The following RSU1 variants were observed in gnomAD, a reference collection of about 807,000 sequenced individuals.
RSU1 encodes rsu-1.
In RSU1, 26 loss-of-function variants were observed where a neutral mutation model predicts 31.1. That is an observed-to-expected ratio of 0.84 (90% CI 0.61 to 1.16). The LOEUF is 1.16. Ranked by LOEUF, RSU1 falls within the 50% of genes most tolerant of loss-of-function variation. The pLI is 0.00. For synonymous variants in RSU1, 164 were observed against 136.3 expected (o/e 1.20, Z -1.41); for missense variants, 320 against 339.1 (o/e 0.94, Z 0.44).
chr10:16,657,172 T>G (rs1341501840), intron 8 of RSU1, among the ~76,000 whole-genome samples: 1 of 152,196 alleles, frequency 6.6e-6, no homozygotes, highest in Non-Finnish European at 1.5e-5. Context: ...GTTATATGAC[T>G]TGCAGGCAGA....
At chr10:16,689,651 C>T (rs1252480531) in intron 8 of RSU1, among the ~76,000 whole-genome samples, 2 of 152,204 alleles carry the variant, frequency 1.3e-5, no homozygotes, top group African/African-American at 2.4e-5. Context: ...GAGGAATTCT[C>T]AGCTTTTATC....
intron 8 of RSU1, among the ~76,000 whole-genome samples, chr10:16,660,208 G>C (rs1341721950): frequency 1.3e-5 from 2 of 152,204 alleles, no homozygotes; most frequent in African/African-American, 4.8e-5. Context: ...AAAGGCTTGG[G>C]CTTCCGAAGC....
At chr10:16,704,759 AGTTT>A (rs1263307850) in intron 7 of RSU1, among the ~76,000 whole-genome samples, 1 of 152,140 alleles carries the variant, frequency 6.6e-6, no homozygotes, top group Non-Finnish European at 1.5e-5. Context: ...CTTTTTGATT[AGTTT>A]TTTTGGTTCT....
At chr10:16,688,373 G>A (rs1475534506) in intron 8 of RSU1, among the ~76,000 whole-genome samples, 2 of 152,144 alleles carry the variant, frequency 1.3e-5, no homozygotes, top group Admixed American at 6.6e-5. Context: ...TTGGGAGGCC[G>A]AGGCGGACGG....
intron 2 of RSU1, among the ~76,000 whole-genome samples, chr10:16,814,632 G>T (rs186618923): frequency 9.9e-4 from 150 of 152,258 alleles, no homozygotes; most frequent in African/African-American, 3.5e-3. Context: ...AAGTCCTGAG[G>T]TCAGGGAGTT....
intron 7 of RSU1, among the ~76,000 whole-genome samples, chr10:16,722,279 C>G (rs1333187794): frequency 6.6e-6 from 1 of 152,122 alleles, no homozygotes; most frequent in African/African-American, 2.4e-5. Flanking sequence ...CAGGCATCCA[C>G]TGGGGGTCTT....
chr10:16,668,582 T>C (rs2131534430), intron 8 of RSU1, among the ~76,000 whole-genome samples: 1 of 152,318 alleles, frequency 6.6e-6, no homozygotes, highest in South Asian at 2.1e-4. Flanking sequence ...ACATTTGAAA[T>C]AGGATTTAAT....
chr10:16,749,999 C>A (rs1291691650), intron 7 of RSU1, among the ~76,000 whole-genome samples: 1 of 152,190 alleles, frequency 6.6e-6, no homozygotes, highest in Non-Finnish European at 1.5e-5. Context: ...TGTGTCCCCA[C>A]AGACTTGTCA....
intron 4 of RSU1, among the ~76,000 whole-genome samples, chr10:16,758,133 G>A (rs1400589221): frequency 6.6e-6 from 1 of 151,912 alleles, no homozygotes; most frequent in Admixed American, 6.6e-5. Flanking sequence ...ACAGCAGTAA[G>A]TAACAGTGGT....
intron 8 of RSU1, among the ~76,000 whole-genome samples, chr10:16,690,088 C>T (rs955664780): frequency 7.9e-5 from 12 of 152,186 alleles, no homozygotes; most frequent in African/African-American, 2.9e-4. Flanking sequence ...GAGTTACCCC[C>T]TTTCACAAAG....
At chr10:16,636,886 T>C (rs75237907) in intron 8 of RSU1, among the ~76,000 whole-genome samples, 4,099 of 152,272 alleles carry the variant, frequency 0.027, 194 homozygotes, top group African/African-American at 0.093. Context: ...TCACCCACCA[T>C]TGGGCACAAT....
chr10:16,671,257 A>C (rs1156484142), intron 8 of RSU1, among the ~76,000 whole-genome samples: 2 of 152,016 alleles, frequency 1.3e-5, no homozygotes, highest in Non-Finnish European at 2.9e-5. Flanking sequence ...TGTCCAGGCT[A>C]GTCTCGGAAC....
At chr10:16,616,824 TG>T (rs1833985444) in intron 8 of RSU1, among the ~76,000 whole-genome samples, 1 of 152,236 alleles carries the variant, frequency 6.6e-6, no homozygotes, top group Non-Finnish European at 1.5e-5. Context: ...CATCCCATCA[TG>T]CTAAAAACTC....
At chr10:16,775,848 G>A (rs958724177) in intron 3 of RSU1, among the ~76,000 whole-genome samples, 1 of 152,044 alleles carries the variant, frequency 6.6e-6, no homozygotes, top group Non-Finnish European at 1.5e-5. Context: ...TGATAAATGT[G>A]CAGTAATTTA....
At chr10:16,779,345 T>C (rs990286368) in intron 3 of RSU1, among the ~76,000 whole-genome samples, 7 of 152,214 alleles carry the variant, frequency 4.6e-5, no homozygotes, top group Non-Finnish European at 1.0e-4. Context: ...CAGATCCCAC[T>C]TTCAGCTTCC....
chr10:16,708,392 A>G (rs1186937671), intron 7 of RSU1, among the ~76,000 whole-genome samples: 1 of 152,138 alleles, frequency 6.6e-6, no homozygotes, highest in African/African-American at 2.4e-5. Context: ...CTTCCTGTTG[A>G]GGGATTTGTC....
rs142851107 is a variant in RSU1, at chr10:16,643,978, T to C, written c.732-50482A>G. 2.9e-3 allele frequency among the ~76,000 whole-genome samples: 442 copies of C among 152,222 alleles called. 3 individuals carry two copies. The highest frequency in any genetic ancestry group is 0.01 in the African/African-American group (418 of 41,516). On this transcript the variant is annotated intron_variant, in intron 8 of 8. Transcript: ENST00000345264. ...ATAACGTTGACATCATATTGGGTAT[T>C]ACAAGTAATCCAGAGATGATTTCAA...
intron 8 of RSU1, among the ~76,000 whole-genome samples, chr10:16,620,645 A>G (rs535986909): frequency 2.0e-5 from 3 of 152,068 alleles, no homozygotes; most frequent in Non-Finnish European, 4.4e-5. Flanking sequence ...GGAGATCAAG[A>G]CCATCATGGC....
At chr10:16,626,046 T>C (rs1488215784) in intron 8 of RSU1, among the ~76,000 whole-genome samples, 1 of 151,966 alleles carries the variant, frequency 6.6e-6, no homozygotes, top group East Asian at 1.9e-4. Context: ...CTTTTCCTTT[T>C]TTCTTTTTTT....
Sources: allele counts gnomAD v4.1 joint callset (sites outside exome capture counted in the v4.1 genomes callset), GRCh38; gene constraint gnomAD v4.1.1; transcripts MANE v1.5; gene names NCBI Gene and HGNC (gene_info 2026-07-23, HGNC 2026-07-21).